UTP18: variants seen among roughly 807,000 people sequenced by gnomAD.
UTP18 encodes the protein UTP18 small subunit processome component, also known as U3 small nucleolar RNA-associated protein 18 homolog.
A neutral mutation model predicts 61.1 loss-of-function variants in UTP18; 36 were observed. The ratio of observed to expected loss-of-function variants is 0.59; its 90% confidence interval spans 0.45 to 0.78. UTP18 has a LOEUF of 0.78. Among genes scored for constraint, UTP18 ranks in the 30% least tolerant of loss-of-function variants. The pLI is 0.00. For synonymous variants in UTP18, 282 were observed against 251.1 expected (o/e 1.12, Z -1.16); for missense variants, 753 against 693.9 (o/e 1.09, Z -0.96).
chr17:51,277,463 G>A (rs913620963), intron 7 of UTP18, among the ~76,000 whole-genome samples, 159 bp downstream of exon 7: 1 of 152,144 alleles, frequency 6.6e-6, no homozygotes, highest in Non-Finnish European at 1.5e-5. Context: ...GAGATAACAC[G>A]TTTGAATGAA....
Position 51,260,739 on chromosome 17 carries a change from C to G in UTP18, c.155C>G (p.Ala52Gly). 1 of 1,587,948 alleles carries G rather than the reference C, an allele frequency of 6.3e-7. No individual in the cohort carries two copies. The highest frequency in any genetic ancestry group is 8.6e-7 in the Non-Finnish European group (1 of 1,168,068). The change falls in exon 1 of 14, where the codon GCC becomes GGC. Residue 52 changes from alanine to glycine, a missense_variant. Transcript: ENST00000225298. ...CCTTCATCCCAGCGGAAACCGCCGG[C>G]CCGGCCGAGCGCGGCGGCCGCTGCG... The part of the protein sequence containing the change: ...PAPSSQRKPP[A>G]RPSAAAAAIA...
chr17:51,263,476 G>A, intron 2 of UTP18, 90 bp downstream of exon 2: 1 of 992,570 alleles, frequency 1.0e-6, no homozygotes, highest in Non-Finnish European at 1.5e-6. Flanking sequence ...ACCAATTTGT[G>A]ATTATGTGAA....
In UTP18 at chr17:51,297,913, G is replaced by A. The variant is rs1000611090; in HGVS notation, c.*146G>A. The A allele has an allele frequency of 1.7e-5, 5 of 301,060 alleles. No homozygotes were observed. Among genetic ancestry groups the A allele is most frequent in the African/African-American group, 7.0e-5 (3 of 42,578 alleles). 18.6% of individuals were successfully genotyped at this position (301,060 alleles called of 1,614,324 possible). A position where few individuals can be genotyped will look rare whatever the true frequency, so the allele number is the denominator to read the frequency against. On this transcript the variant is annotated 3_prime_UTR_variant, in exon 14 of 14. Transcript: ENST00000225298. ...GAGCCAGTAATGTCTTAATAAACAT[G>A]TGGCAGCTTTTGTTTGAAAATAAGT... is the stretch of plus-strand genomic sequence containing the variant.
intron 9 of UTP18, among the ~76,000 whole-genome samples, chr17:51,282,295 T>C (rs928798060): frequency 2.0e-5 from 3 of 152,260 alleles, no homozygotes; most frequent in Non-Finnish European, 4.4e-5. Flanking sequence ...TTTTTAACTT[T>C]TAAAAAGGAT....
intron 5 of UTP18, among the ~76,000 whole-genome samples, chr17:51,274,920 G>T (rs3786008): frequency 0.075 from 11,434 of 151,750 alleles, 558 homozygotes; most frequent in Non-Finnish European, 0.11. Context: ...CCACATGGCC[G>T]GGCGCAGTGG....
intron 12 of UTP18, among the ~76,000 whole-genome samples, chr17:51,295,588 T>C (rs985760762): frequency 1.1e-4 from 17 of 152,212 alleles, no homozygotes; most frequent in Non-Finnish European, 2.1e-4. Context: ...TACCCTGCTG[T>C]TTTGGTTACT....
At chr17:51,262,066 G>C (rs2144385162) in intron 1 of UTP18, among the ~76,000 whole-genome samples, 1 of 152,144 alleles carries the variant, frequency 6.6e-6, no homozygotes, top group East Asian at 1.9e-4. Flanking sequence ...CTCACTTCAA[G>C]GGATATTCTG....
chr17:51,277,541 C>G (rs1904772679), intron 7 of UTP18, among the ~76,000 whole-genome samples: 1 of 152,126 alleles, frequency 6.6e-6, no homozygotes, highest in Non-Finnish European at 1.5e-5. Flanking sequence ...TCCCCCTACA[C>G]CAGACAAGCA....
chr17:51,291,789 G>A (rs1905246105), intron 11 of UTP18, among the ~76,000 whole-genome samples: 1 of 151,936 alleles, frequency 6.6e-6, no homozygotes, highest in Admixed American at 6.6e-5. Flanking sequence ...TAGAAAGGTT[G>A]GTTCTAGTGT....
At chr17:51,276,474 C>T (rs1405013420) in intron 6 of UTP18, among the ~76,000 whole-genome samples, 3 of 152,074 alleles carry the variant, frequency 2.0e-5, no homozygotes, top group African/African-American at 4.8e-5. Flanking sequence ...TCTACAAAAA[C>T]GTGTTCTTTT....
Position 51,263,323 on chromosome 17 carries a change from A to AGG in UTP18, c.392_393insGG (p.Gly132GlufsTer25). The stretch of plus-strand genomic sequence containing the variant: ...GACTCAGAAGTGGAGAATGAAGCAA[A>AGG]AGGTAATTTTCCACCTCAAAAGAAG... On this transcript the variant is annotated frameshift_variant, in exon 2 of 14. Transcript: ENST00000225298. LOFTEE classifies it high-confidence loss of function. 1.2e-6 allele frequency: 2 copies of AGG among 1,614,222 alleles called. No homozygotes were observed. The highest frequency in any genetic ancestry group is 1.7e-6 in the Non-Finnish European group (2 of 1,180,042).
chr17:51,281,141 AAT>A (rs1376077993), intron 9 of UTP18, among the ~76,000 whole-genome samples: 1 of 144,536 alleles, frequency 6.9e-6, no homozygotes, highest in African/African-American at 2.6e-5. Context: ...CACGTCTCAA[AAT>A]ATATATATAT....
chr17:51,268,189 C>T (rs1461671856), intron 3 of UTP18, among the ~76,000 whole-genome samples: 1 of 151,928 alleles, frequency 6.6e-6, no homozygotes, highest in Non-Finnish European at 1.5e-5. Context: ...ACACGCCCAG[C>T]TAATTTTTTT....
At chr17:51,297,134 T>A (rs1157922393) in intron 13 of UTP18, 131 bp downstream of exon 13, 1 of 760,296 alleles carries the variant, frequency 1.3e-6, no homozygotes, top group East Asian at 2.9e-5. Context: ...TTTAGAGGGG[T>A]GGGTTGGAAG....
chr17:51,292,512 G>A (rs1905263651), intron 11 of UTP18, among the ~76,000 whole-genome samples: 1 of 152,346 alleles, frequency 6.6e-6, no homozygotes, highest in Middle Eastern at 3.4e-3. Context: ...TTTAATAGGT[G>A]TATGTATCAG....
At chr17:51,292,946 A>G (rs1306598149) in intron 11 of UTP18, among the ~76,000 whole-genome samples, 2 of 152,262 alleles carry the variant, frequency 1.3e-5, no homozygotes, top group Non-Finnish European at 2.9e-5. Flanking sequence ...GGCAAAGTGT[A>G]TATACAATAG....
chr17:51,277,655 C>T (rs893704154), intron 7 of UTP18, among the ~76,000 whole-genome samples: 1 of 152,152 alleles, frequency 6.6e-6, no homozygotes, highest in Non-Finnish European at 1.5e-5. Flanking sequence ...AACTGTTTCA[C>T]CTCTCTGATC....
At position 51,277,237 on chromosome 17, in the gene UTP18, C is replaced by T. The variant is rs772426723; in HGVS notation, c.945C>T (p.Thr315=). The change falls in exon 7 of 14, where the codon ACC becomes ACT. Residue 315 remains threonine, a synonymous_variant. Transcript: ENST00000225298. ...ANGEEVLATS[T]HSKVLYVYDM... Reference sequence around the variant, plus strand: ...GGGAAGAAGTTTTAGCCACGAGTACCCACAGCAAGGTTCTTTATGTCTATG... The same window carrying T: ...GGGAAGAAGTTTTAGCCACGAGTACTCACAGCAAGGTTCTTTATGTCTATG... 3.1e-6 allele frequency: 5 copies of T among 1,613,942 alleles called. No individual in the cohort carries two copies. Among genetic ancestry groups the T allele is most frequent in the African/African-American group, 1.3e-5 (1 of 74,892 alleles).
At chr17:51,295,705 A>G (rs1905351945) in intron 12 of UTP18, among the ~76,000 whole-genome samples, 1 of 152,166 alleles carries the variant, frequency 6.6e-6, no homozygotes, top group Admixed American at 6.5e-5. Flanking sequence ...TTCCATATGA[A>G]CTTTAAAGTA....
Sources: allele counts gnomAD v4.1 joint callset (sites outside exome capture counted in the v4.1 genomes callset), GRCh38; gene constraint gnomAD v4.1.1; transcripts MANE v1.5; gene names NCBI Gene and HGNC (gene_info 2026-07-23, HGNC 2026-07-21).